KCNIP1: variants seen among roughly 807,000 people sequenced by gnomAD.
The protein encoded by KCNIP1 is A-type potassium channel modulatory protein KCNIP1.
In KCNIP1, 18 loss-of-function variants were observed where a neutral mutation model predicts 33.0. The observed-to-expected ratio is 0.55, with a 90% confidence interval of 0.38 to 0.81. The LOEUF is 0.81. KCNIP1 is among the 30% of genes least tolerant of loss of function. KCNIP1 has a pLI of 0.00. For synonymous variants in KCNIP1, 93 were observed against 98.3 expected (o/e 0.95, Z 0.32); for missense variants, 238 against 271.6 (o/e 0.88, Z 0.87).
chr5:170,522,297 A>G (rs1755393465), intron 1 of KCNIP1, among the ~76,000 whole-genome samples: 1 of 152,214 alleles, frequency 6.6e-6, no homozygotes, highest in Non-Finnish European at 1.5e-5. Flanking sequence ...CCTGCAGCAG[A>G]TGGTCAGAGC....
chr5:170,483,251 G>A, intron 1 of KCNIP1: 1 of 281,630 alleles, frequency 3.6e-6, no homozygotes. Context: ...GGTGATCCCA[G>A]GCTGGGGACC....
intron 1 of KCNIP1, among the ~76,000 whole-genome samples, chr5:170,670,059 T>C (rs1339405743): frequency 6.6e-6 from 1 of 152,232 alleles, no homozygotes; most frequent in Non-Finnish European, 1.5e-5. Context: ...CAAAATTTTT[T>C]GACGGAGTCT....
Position 170,504,126 on chromosome 5 carries a change from C to T in KCNIP1, c.-447C>T. 2.0e-6 allele frequency: 2 copies of T among 992,034 alleles called. No individual in the cohort carries two copies. The highest frequency in any genetic ancestry group is 1.7e-5 in the African/African-American group (1 of 57,550). 61.5% of individuals were successfully genotyped at this position (992,034 alleles called of 1,614,324 possible). A position where few individuals can be genotyped will look rare whatever the true frequency, so the allele number is the denominator to read the frequency against. On this transcript the variant is annotated 5_prime_UTR_variant, in exon 1 of 8. Transcript: ENST00000328939. This position sits in a 1 kb window ranked among gnomAD's most constrained non-coding sequence, Gnocchi z 6.0. ...GTTCATTCATGATTGGTACTCGGCC[C>T]TCCGAGACCCAGCCCGAGCGCAGGG...
chr5:170,707,378 ACAC>A (rs1473076373), intron 1 of KCNIP1, among the ~76,000 whole-genome samples: 2 of 152,080 alleles, frequency 1.3e-5, no homozygotes, highest in African/African-American at 2.4e-5. Flanking sequence ...CCTTGTCCTG[ACAC>A]ATCTTTTAGG....
intron 1 of KCNIP1, among the ~76,000 whole-genome samples, chr5:170,691,885 A>G (rs1762733881): frequency 6.6e-6 from 1 of 152,174 alleles, no homozygotes; most frequent in Non-Finnish European, 1.5e-5. Context: ...TCAGGAATTC[A>G]ATATAGAAAA....
chr5:170,587,215 A>G (rs112941829), intron 1 of KCNIP1, among the ~76,000 whole-genome samples: 13,113 of 152,072 alleles, frequency 0.086, 642 homozygotes, highest in South Asian at 0.12. Context: ...TGAGGTCAGG[A>G]GTTCAAGACT....
chr5:170,715,257 A>G (rs999420018), intron 1 of KCNIP1, among the ~76,000 whole-genome samples: 2 of 152,172 alleles, frequency 1.3e-5, no homozygotes, highest in Non-Finnish European at 2.9e-5. Context: ...GGGCTACCCC[A>G]TCTAGGTTTG....
chr5:170,684,583 AC>A (rs1203023722), intron 1 of KCNIP1, among the ~76,000 whole-genome samples: 1 of 152,228 alleles, frequency 6.6e-6, no homozygotes, highest in Non-Finnish European at 1.5e-5. Context: ...GTATGGATAC[AC>A]CCATTGATTT....
intron 1 of KCNIP1, chr5:170,678,281 T>C (rs1361852297): frequency 6.6e-6 from 1 of 152,234 alleles, no homozygotes; most frequent in East Asian, 1.9e-4. Flanking sequence ...TTTTGGGTTG[T>C]CACGCAGACA....
intron 1 of KCNIP1, among the ~76,000 whole-genome samples, chr5:170,508,564 C>T (rs893677179): frequency 6.6e-5 from 10 of 152,228 alleles, no homozygotes; most frequent in Admixed American, 2.0e-4. Flanking sequence ...AGGGGCAGGC[C>T]TTTGGCAAGT....
chr5:170,385,100 G>C (rs1764410269), intron 1 of KCNIP1, among the ~76,000 whole-genome samples: 1 of 152,172 alleles, frequency 6.6e-6, no homozygotes, highest in Admixed American at 6.5e-5. Flanking sequence ...TCATGTGTCT[G>C]TTACCACCAG....
At chr5:170,538,559 C>T (rs1392013689) in intron 1 of KCNIP1, among the ~76,000 whole-genome samples, 2 of 151,930 alleles carry the variant, frequency 1.3e-5, no homozygotes, top group Non-Finnish European at 2.9e-5. Context: ...AGTTGTTCCT[C>T]CTCCTTCTTC....
At chr5:170,623,132 G>C (rs923085359) in intron 1 of KCNIP1, among the ~76,000 whole-genome samples, 2 of 152,200 alleles carry the variant, frequency 1.3e-5, no homozygotes, top group Non-Finnish European at 2.9e-5. Flanking sequence ...ATGCTTGCTC[G>C]CCAGCTCACC....
intron 1 of KCNIP1, among the ~76,000 whole-genome samples, chr5:170,598,558 A>G (rs1004503031): frequency 1.3e-5 from 2 of 152,166 alleles, no homozygotes; most frequent in Non-Finnish European, 2.9e-5. Context: ...GCAAGTGGAA[A>G]AAGCAAAGAA....
At chr5:170,441,617 G>A (rs866492474) in intron 1 of KCNIP1, among the ~76,000 whole-genome samples, 2 of 152,112 alleles carry the variant, frequency 1.3e-5, no homozygotes, top group Admixed American at 6.5e-5. Flanking sequence ...CTTGAGGGCC[G>A]TATATCCAGA....
chr5:170,633,786 G>T (rs1239624296), intron 1 of KCNIP1, among the ~76,000 whole-genome samples: 1 of 146,920 alleles, frequency 6.8e-6, no homozygotes, highest in African/African-American at 2.5e-5. Flanking sequence ...GGCGGGGTGT[G>T]GCTGTGCGTC....
intron 1 of KCNIP1, among the ~76,000 whole-genome samples, chr5:170,475,388 G>A (rs751805337): frequency 1.3e-5 from 2 of 152,114 alleles, no homozygotes; most frequent in Admixed American, 6.5e-5. Flanking sequence ...ACAAAGCTTC[G>A]GAAGCTAGTC....
intron 1 of KCNIP1, among the ~76,000 whole-genome samples, chr5:170,396,224 G>A (rs1182187494): frequency 6.6e-6 from 1 of 152,214 alleles, no homozygotes; most frequent in Non-Finnish European, 1.5e-5. Context: ...GTTGGTTGAG[G>A]GCTGAGGGAA....
chr5:170,429,103 A>C (rs1755683480), intron 1 of KCNIP1, among the ~76,000 whole-genome samples: 1 of 152,080 alleles, frequency 6.6e-6, no homozygotes, highest in South Asian at 2.1e-4. Context: ...AAAACAACAA[A>C]CAAAATTGAC....
Sources: gnomAD v4.1 joint callset for allele counts (sites outside exome capture counted in the v4.1 genomes callset) on GRCh38, gnomAD v4.1.1 for gene constraint, Gnocchi (gnomAD v3.1) non-coding constraint, MANE v1.5 for transcripts, NCBI Gene and HGNC (gene_info 2026-07-23, HGNC 2026-07-21) for gene names.